Variants in HECW2 observed in about 807,000 individuals in gnomAD.
HECW2 encodes E3 ubiquitin-protein ligase HECW2.
Under a neutral mutation model 175.2 loss-of-function variants are expected in HECW2, and 61 were observed. The observed-to-expected ratio is 0.35, with a 90% CI of 0.28 to 0.43. The LOEUF is 0.43. HECW2 is among the 20% of genes least tolerant of loss of function. HECW2 has a pLI of 1.00. For synonymous variants in HECW2, 671 were observed against 731.0 expected (o/e 0.92, Z 1.32); for missense variants, 1,524 against 2,000.5 (o/e 0.76, Z 4.54).
At chr2:196,573,619 C>CA (rs1690459939) in intron 1 of HECW2, among the ~76,000 whole-genome samples, 1 of 152,090 alleles carries the variant, frequency 6.6e-6, no homozygotes, top group African/African-American at 2.4e-5. Context: ...GGACCTGACT[C>CA]AGTGCCCACT....
chr2:196,507,165 T>TA lies in HECW2; in HGVS notation c.-35-73708dup, dbSNP rs769222902. Among the ~76,000 whole-genome samples the TA allele has an allele frequency of 1.2e-3, 172 of 141,126 alleles. 1 individual carries two copies. The highest frequency in any genetic ancestry group is 1.3e-3 in the Non-Finnish European group (81 of 62,726). 92.6% of individuals were successfully genotyped at this position (141,126 alleles called of 152,430 possible). On this transcript the variant is annotated intron_variant, in intron 1 of 28. Transcript: ENST00000644978. ...GTTAGTGTGTATATTATACACACAC[T>TA]ATGTGTATATTACACACACTAATAT...
intron 10 of HECW2, among the ~76,000 whole-genome samples, chr2:196,313,693 C>A (rs1238551798): frequency 4.0e-5 from 6 of 151,868 alleles, no homozygotes; most frequent in Non-Finnish European, 1.5e-5. Context: ...CAAGTAAATC[C>A]CTGAAAATAT....
chr2:196,434,626 T>C (rs1254686102), intron 1 of HECW2, among the ~76,000 whole-genome samples: 1 of 152,228 alleles, frequency 6.6e-6, no homozygotes, highest in African/African-American at 2.4e-5. Flanking sequence ...TAGCTTTACA[T>C]AGAATTGATC....
intron 10 of HECW2, chr2:196,315,678 G>A (rs934138928): frequency 2.0e-5 from 3 of 152,270 alleles, no homozygotes; most frequent in Non-Finnish European, 4.4e-5. Context: ...GTATCTACGG[G>A]TGTAATGCAA....
intron 16 of HECW2, among the ~76,000 whole-genome samples, chr2:196,271,951 A>G (rs1438449537): frequency 1.3e-5 from 2 of 152,208 alleles, no homozygotes. Context: ...CTCATTTGAC[A>G]AGCCATATTT....
At chr2:196,453,011 T>C (rs1485270250) in intron 1 of HECW2, among the ~76,000 whole-genome samples, 1 of 152,192 alleles carries the variant, frequency 6.6e-6, no homozygotes, top group Non-Finnish European at 1.5e-5. Context: ...TTTTAAAGCT[T>C]ATTTTCTGTA....
At chr2:196,337,793 A>G (rs1373919848) in intron 3 of HECW2, among the ~76,000 whole-genome samples, 1 of 152,014 alleles carries the variant, frequency 6.6e-6, no homozygotes, top group Non-Finnish European at 1.5e-5. Context: ...TAAGGACCTG[A>G]TATCGGCTGA....
At chr2:196,574,153 G>C (rs1189182468) in intron 1 of HECW2, among the ~76,000 whole-genome samples, 1 of 152,214 alleles carries the variant, frequency 6.6e-6, no homozygotes, top group Non-Finnish European at 1.5e-5. Context: ...TACTTGGCTA[G>C]GCATGGCGGC....
chr2:196,275,569 T>C (rs189851885), intron 15 of HECW2, among the ~76,000 whole-genome samples: 1,797 of 152,172 alleles, frequency 0.012, 37 homozygotes, highest in African/African-American at 0.038. Flanking sequence ...CTGGCCAACA[T>C]GGTGAAACCC....
intron 2 of HECW2, among the ~76,000 whole-genome samples, chr2:196,414,492 C>T (rs978734926): frequency 2.6e-5 from 4 of 152,166 alleles, no homozygotes; most frequent in Non-Finnish European, 4.4e-5. Context: ...TGATCTGGTG[C>T]GAACATTCTG....
At chr2:196,562,642 A>T (rs1690043909) in intron 1 of HECW2, among the ~76,000 whole-genome samples, 1 of 152,226 alleles carries the variant, frequency 6.6e-6, no homozygotes, top group Admixed American at 6.5e-5. Flanking sequence ...GAGCAGAAAT[A>T]CATGTAAGGC....
At chr2:196,413,631 C>T (rs1695175736) in intron 2 of HECW2, among the ~76,000 whole-genome samples, 1 of 152,062 alleles carries the variant, frequency 6.6e-6, no homozygotes, top group Non-Finnish European at 1.5e-5. Flanking sequence ...AGGTGTAAGC[C>T]ACTATGCCCA....
At chr2:196,212,672 T>A (rs1338431855) in intron 28 of HECW2, among the ~76,000 whole-genome samples, 2 of 152,210 alleles carry the variant, frequency 1.3e-5, no homozygotes, top group Non-Finnish European at 2.9e-5. Flanking sequence ...TGCATGTGTC[T>A]TATAACTGAA....
chr2:196,247,650 G>A (rs1296178056), intron 19 of HECW2, among the ~76,000 whole-genome samples: 1 of 152,154 alleles, frequency 6.6e-6, no homozygotes, highest in African/African-American at 2.4e-5. Flanking sequence ...CTTCTATATT[G>A]TGTTACCCTA....
chr2:196,501,240 T>G (rs1327119847), intron 1 of HECW2, among the ~76,000 whole-genome samples: 1 of 152,192 alleles, frequency 6.6e-6, no homozygotes, highest in Non-Finnish European at 1.5e-5. Flanking sequence ...TGCATCATAT[T>G]AAAGAGACAG....
chr2:196,240,380 C>A (rs978134050), intron 21 of HECW2, 69 bp downstream of exon 21: 1 of 1,113,088 alleles, frequency 9.0e-7, no homozygotes, highest in Admixed American at 2.4e-5. Context: ...GCAACCACAG[C>A]GACGTGGAGA....
intron 17 of HECW2, among the ~76,000 whole-genome samples, chr2:196,259,291 T>A (rs1689188713): frequency 6.6e-6 from 1 of 152,216 alleles, no homozygotes; most frequent in Non-Finnish European, 1.5e-5. Context: ...CTGATTTTTA[T>A]ATTCCCAAAT....
At chr2:196,451,059 T>A (rs770397333) in intron 1 of HECW2, among the ~76,000 whole-genome samples, 4 of 152,174 alleles carry the variant, frequency 2.6e-5, no homozygotes, top group Non-Finnish European at 4.4e-5. Flanking sequence ...AATAAAATAT[T>A]TTTATTAATT....
intron 1 of HECW2, among the ~76,000 whole-genome samples, chr2:196,513,563 C>A (rs1267731818): frequency 1.3e-5 from 2 of 152,152 alleles, no homozygotes; most frequent in East Asian, 1.9e-4. Context: ...TAATGCTCAA[C>A]CCCTATTCTC....
Sources: allele counts gnomAD v4.1 joint callset (sites outside exome capture counted in the v4.1 genomes callset), GRCh38; gene constraint gnomAD v4.1.1; transcripts MANE v1.5; gene names NCBI Gene and HGNC (gene_info 2026-07-23, HGNC 2026-07-21).